GRAMD2B: variants seen among roughly 807,000 people sequenced by gnomAD.
GRAMD2B encodes GRAM domain-containing protein 2B.
A neutral mutation model predicts 59.2 loss-of-function variants in GRAMD2B; 41 were observed. The observed-to-expected ratio is 0.69, with a 90% CI of 0.54 to 0.90. The LOEUF (loss-of-function observed/expected upper bound fraction) is 0.90. GRAMD2B is among the 40% of genes least tolerant of loss of function. GRAMD2B has a pLI of 0.00. For synonymous variants in GRAMD2B, 161 were observed against 182.7 expected, an observed-to-expected ratio of 0.88 and a Z score of 0.96; for missense variants, 424 against 500.5, an observed-to-expected ratio of 0.85 and a Z score of 1.46.
upstream of GRAMD2B, among the ~76,000 whole-genome samples, chr5:126,422,793 C>T (rs1369167894): frequency 1.3e-5 from 2 of 152,166 alleles, no homozygotes; most frequent in Non-Finnish European, 2.9e-5. Context: ...GGTACTTGCA[C>T]AACTATGGGC....
At chr5:126,469,577 G>C (rs376891552) in intron 2 of GRAMD2B, 100 bp from the exon 3 acceptor site, 2 of 775,810 alleles carry the variant, frequency 2.6e-6, no homozygotes, top group Non-Finnish European at 2.2e-6. Flanking sequence ...GGAGGTTGCA[G>C]TGAACCGTGA....
chr5:126,462,728 TATTA>T (rs1180004095), intron 1 of GRAMD2B, among the ~76,000 whole-genome samples: 1 of 152,064 alleles, frequency 6.6e-6, no homozygotes, highest in Non-Finnish European at 1.5e-5. Flanking sequence ...CAGTACAAGG[TATTA>T]ATTAATTAGA....
intron 1 of GRAMD2B, among the ~76,000 whole-genome samples, chr5:126,364,671 C>T (rs192998803): frequency 6.6e-6 from 1 of 152,320 alleles, no homozygotes; most frequent in Admixed American, 6.5e-5. Context: ...TTCAAGTGAC[C>T]TATCCCCACT....
At chr5:126,475,159 C>A (rs545714645) in intron 5 of GRAMD2B, among the ~76,000 whole-genome samples, 1 of 152,184 alleles carries the variant, frequency 6.6e-6, no homozygotes, top group South Asian at 2.1e-4. Context: ...TAATTTAATC[C>A]GGACCTTTTT....
At chr5:126,374,422 T>A (rs1755016756) in intron 1 of GRAMD2B, among the ~76,000 whole-genome samples, 1 of 152,174 alleles carries the variant, frequency 6.6e-6, no homozygotes, top group African/African-American at 2.4e-5. Context: ...TCACTATCGT[T>A]TTCTTCTTTT....
intron 1 of GRAMD2B, among the ~76,000 whole-genome samples, chr5:126,392,514 C>T (rs1044377937): frequency 6.6e-6 from 1 of 152,140 alleles, no homozygotes; most frequent in African/African-American, 2.4e-5. Context: ...CACAGGCACT[C>T]TCTAACCAAT....
chr5:126,462,950 A>T (rs1178831310), intron 1 of GRAMD2B, among the ~76,000 whole-genome samples: 1 of 152,234 alleles, frequency 6.6e-6, no homozygotes, highest in East Asian at 1.9e-4. Context: ...TTAGTAGGAC[A>T]ATATAGAGGC....
intron 1 of GRAMD2B, among the ~76,000 whole-genome samples, chr5:126,447,931 C>T (rs1746775057): frequency 6.6e-6 from 1 of 151,636 alleles, no homozygotes; most frequent in Admixed American, 6.6e-5. Flanking sequence ...ATGATCTCGG[C>T]TTACTGCAAC....
intron 1 of GRAMD2B, among the ~76,000 whole-genome samples, chr5:126,463,886 G>A (rs541719105): frequency 6.6e-6 from 1 of 152,304 alleles, no homozygotes; most frequent in African/African-American, 2.4e-5. Flanking sequence ...AGGCATGGTG[G>A]CGTGCGCCTG....
chr5:126,415,645 C>T (rs919889393), intron 1 of GRAMD2B, among the ~76,000 whole-genome samples: 1 of 152,116 alleles, frequency 6.6e-6, no homozygotes. Context: ...AGTAGAAAAA[C>T]TTTCTTATTT....
intron 1 of GRAMD2B, among the ~76,000 whole-genome samples, chr5:126,392,472 C>G (rs1327854796): frequency 6.6e-6 from 1 of 152,128 alleles, no homozygotes; most frequent in Non-Finnish European, 1.5e-5. Flanking sequence ...ATTAGCAACT[C>G]AGAACCAAAG....
chr5:126,396,716 T>A (rs1757393187), intron 1 of GRAMD2B, among the ~76,000 whole-genome samples: 1 of 152,228 alleles, frequency 6.6e-6, no homozygotes. Flanking sequence ...GTAGGTCGAA[T>A]GGTATTTCTG....
At chr5:126,406,567 T>C (rs1245130780) in intron 1 of GRAMD2B, among the ~76,000 whole-genome samples, 1 of 151,914 alleles carries the variant, frequency 6.6e-6, no homozygotes, top group Non-Finnish European at 1.5e-5. Flanking sequence ...AACTTTTAAA[T>C]AGAGAAGATA....
chr5:126,423,753 C>A, intron 1 of GRAMD2B, 64 bp downstream of exon 1: 1 of 1,496,350 alleles, frequency 6.7e-7, no homozygotes, highest in Non-Finnish European at 9.0e-7. Context: ...ACTTCTCTGC[C>A]CCGGGACGCA....
At chr5:126,437,616 A>C (rs2149818782) in intron 1 of GRAMD2B, among the ~76,000 whole-genome samples, 1 of 152,370 alleles carries the variant, frequency 6.6e-6, no homozygotes, top group Non-Finnish European at 1.5e-5. Flanking sequence ...AAGAGGCCAC[A>C]AAAGGTGATG....
chr5:126,392,807 C>T (rs1756953012), intron 1 of GRAMD2B, among the ~76,000 whole-genome samples: 1 of 152,102 alleles, frequency 6.6e-6, no homozygotes, highest in Non-Finnish European at 1.5e-5. Context: ...TCATAAGGAG[C>T]ACTGACCCTA....
chr5:126,371,451 G>A, exon 1 of GRAMD2B: 1 of 1,288,282 alleles, frequency 7.8e-7, no homozygotes. Context: ...CAATGGTGAA[G>A]AAAAGGCTGC....
chr5:126,490,158 T>C (rs1009124028), intron 13 of GRAMD2B: 3 of 152,210 alleles, frequency 2.0e-5, no homozygotes, highest in South Asian at 2.1e-4. Context: ...TTCTAAAACA[T>C]TAGTTTCTGA....
chr5:126,473,465 A>G (rs539080094), intron 5 of GRAMD2B, 97 bp downstream of exon 5: 30 of 435,796 alleles, frequency 6.9e-5, no homozygotes, highest in Admixed American at 1.3e-4. Flanking sequence ...AGATATTTGT[A>G]TCATGGTTAT....
Sources: allele counts gnomAD v4.1 joint callset (sites outside exome capture counted in the v4.1 genomes callset), GRCh38; gene constraint gnomAD v4.1.1; transcripts MANE v1.5; gene names NCBI Gene and HGNC (gene_info 2026-07-23, HGNC 2026-07-21).